The following CELSR1 variants were observed in gnomAD, a reference collection of about 807,000 sequenced individuals.
The protein encoded by CELSR1 is adhesion G protein-coupled receptor C1.
In CELSR1, 110 loss-of-function variants were observed where a neutral mutation model predicts 249.1. That is an observed-to-expected ratio of 0.44 (90% confidence interval 0.38 to 0.52). The LOEUF is 0.52. Ranked by LOEUF, CELSR1 falls within the 20% of genes least tolerant of loss-of-function variation. The pLI, the probability that CELSR1 is intolerant of heterozygous loss-of-function variation, is 0.00. For synonymous variants in CELSR1, 2,113 were observed against 1,900.0 expected (o/e 1.11, Z -2.92); for missense variants, 4,109 against 4,296.4 (o/e 0.96, Z 1.22).
Position 46,488,667 on chromosome 22 carries a change from T to C in CELSR1, c.3545-24322A>G, listed in dbSNP as rs2080339254. On this transcript the variant is annotated intron_variant, in intron 1 of 34. Coordinates refer to ENST00000674500, the MANE Select transcript of CELSR1 (RefSeq NM_001378328.1). The surrounding 1 kb of genome is among the most constrained non-coding windows in gnomAD (Gnocchi z 4.7). ...CACTCCCGTGCCACAGCCCTGCCCT[T>C]TTTTTTTTTTGAGACGGAGTCTTGC... 2.9e-5 allele frequency among the ~76,000 whole-genome samples: 1 copy of C among 34,072 alleles called. No homozygotes were observed. Among genetic ancestry groups the C allele is most frequent in the South Asian group, 5.9e-4 (1 of 1,688 alleles). The allele number at this position is 34,072 out of a possible 152,430, so 22.4% of individuals were successfully genotyped here. A position where few individuals can be genotyped will look rare whatever the true frequency, so the allele number is the denominator to read the frequency against.
At chr22:46,426,280 G>A (rs2079537452) in intron 5 of CELSR1, among the ~76,000 whole-genome samples, 1 of 152,318 alleles carries the variant, frequency 6.6e-6, no homozygotes, top group African/African-American at 2.4e-5. Context: ...TACACATATA[G>A]AAGAGGAAAA....
rs1170360837 is a variant in CELSR1 at position 46,534,670 on chromosome 22, T to C, written c.2501A>G (p.Gln834Arg). Residue 834 changes from glutamine (Q) to arginine (R), a missense_variant, in exon 1 of 35, where the codon CAG becomes CGG. By Grantham distance (43) the Gln-to-Arg change is conservative. Transcript: ENST00000674500. The surrounding 1 kb of genome is among the most constrained non-coding windows in gnomAD (Gnocchi z 9.7). ...GCCACTGTCGGGGTCAATGCGGAAC[T>C]GCGGCACGGGGTCCTGAATCACGTA... Reference protein sequence around the residue: ...ITYVIQDPVPQFRIDPDSGTM... With the variant: ...ITYVIQDPVPRFRIDPDSGTM... The C allele has an allele frequency of 3.7e-6, 6 of 1,613,762 alleles. No homozygotes were observed. The highest frequency in any genetic ancestry group is 5.1e-6 in the Non-Finnish European group (6 of 1,180,028).
intron 1 of CELSR1, among the ~76,000 whole-genome samples, chr22:46,496,081 C>T (rs1050568667): frequency 1.3e-5 from 2 of 151,164 alleles, no homozygotes; most frequent in African/African-American, 4.9e-5. Flanking sequence ...GTAATCCTAG[C>T]TACTCGGGAG....
At position 46,526,599 on chromosome 22, in the gene CELSR1, G is replaced by A. The variant is rs1376135240; in HGVS notation, c.3544+7028C>T. On this transcript the variant is annotated intron_variant, in intron 1 of 34. Transcript: ENST00000674500. The surrounding 1 kb of genome is among the most constrained non-coding windows in gnomAD (Gnocchi z 4.7). The stretch of plus-strand genomic sequence containing the variant: ...TCCCCAGGCTCTCCAACCGCCAGAC[G>A]GCATCCATCACGGATGACCCCCTCG... 2.6e-5 allele frequency among the ~76,000 whole-genome samples: 4 copies of A among 152,152 alleles called. No individual in the cohort carries two copies. The highest frequency in any genetic ancestry group is 2.1e-4 in the South Asian group (1 of 4,818).
Position 46,407,302 on chromosome 22 carries a change from C to T in CELSR1, c.5226+1694G>A, listed in dbSNP as rs935942629. On this transcript the variant is annotated intron_variant, in intron 9 of 34. Coordinates refer to ENST00000674500, the MANE Select transcript of CELSR1 (RefSeq NM_001378328.1). The surrounding 1 kb of genome is among the most constrained non-coding windows in gnomAD (Gnocchi z 4.8). Reference sequence around the variant, plus strand: ...AGATGCACATACACAGACTGACATGCACACACACTTGCACGGAGATATGCG... The same window carrying T: ...AGATGCACATACACAGACTGACATGTACACACACTTGCACGGAGATATGCG... 6.6e-6 allele frequency among the ~76,000 whole-genome samples: 1 copy of T among 152,186 alleles called. No individual in the cohort carries two copies. The highest frequency in any genetic ancestry group is 6.5e-5 in the Admixed American group (1 of 15,288).
intron 2 of CELSR1, chr22:46,462,764 A>G: frequency 3.3e-6 from 1 of 305,316 alleles, no homozygotes; most frequent in Middle Eastern, 4.1e-4. Context: ...GTGCGCTGAG[A>G]TGCAGAGAAT....
At chr22:46,364,835 A>C in intron 32 of CELSR1, 99 bp from the exon 33 acceptor site, 1 of 1,201,344 alleles carries the variant, frequency 8.3e-7, no homozygotes, top group Non-Finnish European at 1.2e-6. Context: ...CCTCTCCCCA[A>C]CCTGCAGGCC....
chr22:46,532,799 A>T (rs539567388), intron 1 of CELSR1, among the ~76,000 whole-genome samples: 2 of 151,948 alleles, frequency 1.3e-5, no homozygotes, highest in African/African-American at 2.4e-5. Flanking sequence ...GTGTCTCCCA[A>T]TTCCAACACT....
At chr22:46,367,962 A>G (rs1361333458) in intron 27 of CELSR1, 107 bp from the exon 28 acceptor site, 1 of 1,422,770 alleles carries the variant, frequency 7.0e-7, no homozygotes, top group Admixed American at 2.1e-5. Flanking sequence ...CCGCCCATCT[A>G]TCTGTCCGTC....
At chr22:46,377,615 C>T (rs925625655) in intron 23 of CELSR1, 4 of 317,582 alleles carry the variant, frequency 1.3e-5, no homozygotes, top group African/African-American at 8.5e-5. Flanking sequence ...TTCCTTGGCC[C>T]ACATGTCACC....
Position 46,409,149 on chromosome 22 carries a change from G to C in CELSR1, c.5073C>G (p.Pro1691=). The C allele has an allele frequency of 1.2e-6, 2 of 1,613,114 alleles. No individual in the cohort carries two copies. Among genetic ancestry groups the C allele is most frequent in the Non-Finnish European group, 1.7e-6 (2 of 1,179,656 alleles). ...GKNCEQAMPH[P]QLFSGESVVS... is the part of the protein sequence containing the mutation. The stretch of plus-strand genomic sequence containing the variant: ...CGACGCTCTCACCGCTGAAGAGCTG[G>C]GGGTGAGGCATGGCTGCGGACACAG... Residue 1691 remains proline (P), a synonymous_variant, in exon 9 of 35, where the codon CCC becomes CCG. Transcript: ENST00000674500. The surrounding 1 kb of genome is among the most constrained non-coding windows in gnomAD (Gnocchi z 9.8).
chr22:46,417,502 C>T lies in CELSR1; in HGVS notation c.4612-5743G>A, dbSNP rs1429201930. ...GCCGGCTGCTTTTGATGACCTGGCTCGAAGGGTGCGGTATTCCCCCAGGGC... is the reference window on the plus strand; with the variant it reads ...GCCGGCTGCTTTTGATGACCTGGCTTGAAGGGTGCGGTATTCCCCCAGGGC... On this transcript the variant is annotated intron_variant, in intron 5 of 34. Coordinates refer to ENST00000674500, the MANE Select transcript of CELSR1 (RefSeq NM_001378328.1). This position sits in a 1 kb window ranked among gnomAD's most constrained non-coding sequence, Gnocchi z 4.1. Among the ~76,000 whole-genome samples, 9 of 152,152 alleles carry T rather than the reference C, an allele frequency of 5.9e-5. No individual in the cohort carries two copies. The highest frequency in any genetic ancestry group is 2.1e-4 in the South Asian group (1 of 4,832).
chr22:46,406,796 C>T lies in CELSR1; in HGVS notation c.5226+2200G>A, dbSNP rs755785948. On this transcript the variant is annotated intron_variant, in intron 9 of 34. Transcript: ENST00000674500. The surrounding 1 kb of genome is among the most constrained non-coding windows in gnomAD (Gnocchi z 5.4). ...GAACGAGAGCTTGGAGCAGGCACTC[C>T]GTAAAATCCATCTCACCTCTCACCA... Among the ~76,000 whole-genome samples, 7 of 152,260 alleles carry T rather than the reference C, an allele frequency of 4.6e-5. No homozygotes were observed. Among genetic ancestry groups the T allele is most frequent in the Middle Eastern group, 3.4e-3 (1 of 294 alleles).
rs1160015038 is a variant in CELSR1, at chr22:46,361,978, G to T, written c.*1245C>A. 6.6e-6 allele frequency: 1 copy of T among 152,174 alleles called. No homozygotes were observed. The highest frequency in any genetic ancestry group is 1.5e-5 in the Non-Finnish European group (1 of 68,026). The allele number at this position is 152,174 out of a possible 1,614,324, so 9.4% of individuals were successfully genotyped here. A position where few individuals can be genotyped will look rare whatever the true frequency, so the allele number is the denominator to read the frequency against. On this transcript the variant is annotated 3_prime_UTR_variant, in exon 35 of 35. Transcript: ENST00000674500. ...GTAACCGTTGAAGAGTGTGGCTGTGGCTTTGTCCCTCTGCACAATTGGCCA... is the reference window on the plus strand; with the variant it reads ...GTAACCGTTGAAGAGTGTGGCTGTGTCTTTGTCCCTCTGCACAATTGGCCA...
At chr22:46,457,050 C>A (rs1264814989) in intron 2 of CELSR1, among the ~76,000 whole-genome samples, 1 of 152,170 alleles carries the variant, frequency 6.6e-6, no homozygotes, top group Non-Finnish European at 1.5e-5. Flanking sequence ...AGCTAGGGAG[C>A]ACCCGACACT....
rs2079036705 is a variant in CELSR1 at position 46,386,588 on chromosome 22, G to C, written c.6556-3C>G. On this transcript the variant is annotated splice_polypyrimidine_tract_variant and splice_region_variant and intron_variant, in intron 18 of 34. Coordinates refer to ENST00000674500, the MANE Select transcript of CELSR1 (RefSeq NM_001378328.1). ...GCGCTGCCCGAGTGGATGACGTCCTGGTCAGACAGACAGCACTCAGTACTC... is the reference window on the plus strand; with the variant it reads ...GCGCTGCCCGAGTGGATGACGTCCTCGTCAGACAGACAGCACTCAGTACTC... 6.3e-7 allele frequency: 1 copy of C among 1,585,950 alleles called. No homozygotes were observed. Among genetic ancestry groups the C allele is most frequent in the Non-Finnish European group, 8.5e-7 (1 of 1,172,450 alleles).
Position 46,398,494 on chromosome 22 carries a change from C to G in CELSR1, c.5526+30G>C. Reference sequence around the variant, plus strand: ...TCGGAGCTGCCTGTGAGGGGCAGGCCTCCCCCCGCCCCCCACAACCCCCAC... The same window carrying G: ...TCGGAGCTGCCTGTGAGGGGCAGGCGTCCCCCCGCCCCCCACAACCCCCAC... On this transcript the variant is annotated intron_variant, in intron 11 of 34. Transcript: ENST00000674500. The surrounding 1 kb of genome is among the most constrained non-coding windows in gnomAD (Gnocchi z 7.2). The G allele has an allele frequency of 2.0e-6, 3 of 1,508,264 alleles. No individual in the cohort carries two copies. The highest frequency in any genetic ancestry group is 2.7e-6 in the Non-Finnish European group (3 of 1,099,804). The allele number at this position is 1,508,264 out of a possible 1,614,324, so 93.4% of individuals were successfully genotyped here.
intron 23 of CELSR1, chr22:46,377,565 A>G (rs1243455447): frequency 2.4e-6 from 1 of 415,058 alleles, no homozygotes; most frequent in East Asian, 4.6e-5. Context: ...GGAGCCTCGG[A>G]CTCTCACTCC....
At chr22:46,531,715 A>G (rs2080793921) in intron 1 of CELSR1, among the ~76,000 whole-genome samples, 2 of 152,180 alleles carry the variant, frequency 1.3e-5, no homozygotes, top group South Asian at 4.2e-4. Flanking sequence ...CATCTGTAAA[A>G]TGAGCAGCAG....
Sources: allele counts gnomAD v4.1 joint callset (sites outside exome capture counted in the v4.1 genomes callset), GRCh38; gene constraint gnomAD v4.1.1; non-coding constraint Gnocchi (gnomAD v3.1); transcripts MANE v1.5; gene names NCBI Gene and HGNC (gene_info 2026-07-23, HGNC 2026-07-21).